Variants in PARD3B observed in about 807,000 individuals in gnomAD.
The protein encoded by PARD3B is partitioning defective 3 homolog B.
PARD3B carries 103 observed loss-of-function variants against 130.2 expected under a neutral mutation model. That is an observed-to-expected ratio of 0.79 (90% CI 0.67 to 0.93). PARD3B has a LOEUF of 0.93. Among genes scored for constraint, PARD3B ranks in the 40% least tolerant of loss-of-function variants. The probability of loss-of-function intolerance (pLI) is 0.00; values close to 1 mark genes in which losing one functional copy is unlikely to be tolerated. For synonymous variants in PARD3B, 583 were observed against 553.2 expected, an observed-to-expected ratio of 1.05 and a Z score of -0.76; for missense variants, 1,609 against 1,499.2, an observed-to-expected ratio of 1.07 and a Z score of -1.21.
At chr2:204,734,462 A>T (rs919403155) in intron 2 of PARD3B, among the ~76,000 whole-genome samples, 3 of 152,192 alleles carry the variant, frequency 2.0e-5, no homozygotes, top group African/African-American at 7.2e-5. Flanking sequence ...GAATGTTCAC[A>T]GCAACTTTGT....
chr2:205,041,999 G>A (rs1698426241), intron 3 of PARD3B, among the ~76,000 whole-genome samples: 1 of 152,110 alleles, frequency 6.6e-6, no homozygotes. Context: ...GAGAGGGAGA[G>A]GGAGAGTGTG....
chr2:205,148,522 T>C (rs1024715232), intron 10 of PARD3B, among the ~76,000 whole-genome samples: 4 of 152,204 alleles, frequency 2.6e-5, no homozygotes, highest in Admixed American at 6.5e-5. Flanking sequence ...CTTCAGAAGA[T>C]TAAATAATTT....
chr2:205,182,688 A>G (rs150863212), intron 13 of PARD3B, among the ~76,000 whole-genome samples: 147 of 152,350 alleles, frequency 9.6e-4, no homozygotes, highest in Middle Eastern at 3.4e-3. Flanking sequence ...TAAGTAATAG[A>G]TAAACCTAAA....
chr2:204,984,568 CA>C (rs2125220682), intron 3 of PARD3B, among the ~76,000 whole-genome samples: 1 of 152,066 alleles, frequency 6.6e-6, no homozygotes, highest in East Asian at 1.9e-4. Context: ...TTTGTATTCA[CA>C]AAGGAATGTT....
intron 3 of PARD3B, among the ~76,000 whole-genome samples, chr2:204,978,964 TCAAA>T (rs1692425509): frequency 2.1e-5 from 1 of 47,030 alleles, no homozygotes; most frequent in Non-Finnish European, 4.8e-5. Flanking sequence ...GACCCTGGCC[TCAAA>T]AAAAAAAAAA....
intron 1 of PARD3B, among the ~76,000 whole-genome samples, chr2:204,615,345 T>C (rs2034070734): frequency 6.6e-6 from 1 of 152,214 alleles, no homozygotes; most frequent in Non-Finnish European, 1.5e-5. Flanking sequence ...TTTGTCTGTC[T>C]TGTCCTTTGA....
intron 2 of PARD3B, among the ~76,000 whole-genome samples, chr2:204,865,267 G>A (rs905140636): frequency 2.0e-5 from 3 of 152,118 alleles, no homozygotes; most frequent in Non-Finnish European, 2.9e-5. Context: ...TCCCACTCCT[G>A]GGCATCTACC....
chr2:205,243,161 C>T (rs1053369696), intron 15 of PARD3B, among the ~76,000 whole-genome samples: 9 of 151,088 alleles, frequency 6.0e-5, no homozygotes, highest in Non-Finnish European at 1.0e-4. Flanking sequence ...AGCGAAACTC[C>T]GTCTCAAAAA....
chr2:204,763,643 G>T (rs2041005606), intron 2 of PARD3B, among the ~76,000 whole-genome samples: 1 of 152,202 alleles, frequency 6.6e-6, no homozygotes, highest in South Asian at 2.1e-4. Flanking sequence ...AGAAGTGACT[G>T]ACGCATAGCC....
intron 10 of PARD3B, among the ~76,000 whole-genome samples, chr2:205,129,488 GT>G (rs1363756695): frequency 6.6e-6 from 1 of 152,160 alleles, no homozygotes; most frequent in Non-Finnish European, 1.5e-5. Flanking sequence ...TATCACTTTG[GT>G]CTCTTCTTCC....
chr2:204,795,645 A>G (rs2042345018), intron 2 of PARD3B, among the ~76,000 whole-genome samples: 1 of 152,222 alleles, frequency 6.6e-6, no homozygotes, highest in Non-Finnish European at 1.5e-5. Flanking sequence ...AACTTTCATC[A>G]GGTTAGATCA....
At chr2:205,399,278 C>A (rs1252209223) in intron 18 of PARD3B, among the ~76,000 whole-genome samples, 3 of 151,794 alleles carry the variant, frequency 2.0e-5, no homozygotes, top group Non-Finnish European at 4.4e-5. Flanking sequence ...CTCAAAAGAA[C>A]AAAAACAAAA....
intron 3 of PARD3B, among the ~76,000 whole-genome samples, chr2:205,024,162 C>CTTTTTTTTTTTTTTT (rs1172893472): frequency 3.1e-4 from 31 of 98,738 alleles, no homozygotes; most frequent in Non-Finnish European, 3.5e-4. Context: ...TTCTTTCTTT[C>CTTTTTTTTTTTTTTT]TTTTTTTTTT....
In PARD3B at chr2:204,673,710, T is replaced by G. The variant is rs1161875188; in HGVS notation, c.121-12471T>G. Among the ~76,000 whole-genome samples, 1 of 152,226 alleles carries G rather than the reference T, an allele frequency of 6.6e-6. No individual in the cohort carries two copies. The highest frequency in any genetic ancestry group is 1.5e-5 in the Non-Finnish European group (1 of 68,040). ...GTACTCCCCATCCTCCTCATCCTAC[T>G]GTATTTTATCTCTCAAATTGCTTAT... On this transcript the variant is annotated intron_variant, in intron 1 of 22. Transcript: ENST00000406610. This position sits in a 1 kb window ranked among gnomAD's most constrained non-coding sequence, Gnocchi z 4.7.
intron 1 of PARD3B, among the ~76,000 whole-genome samples, chr2:204,600,692 A>G (rs1026793901): frequency 2.0e-5 from 3 of 151,852 alleles, no homozygotes; most frequent in Non-Finnish European, 4.4e-5. Flanking sequence ...TTCCTTTTTT[A>G]TCCTAAAGTA....
intron 2 of PARD3B, among the ~76,000 whole-genome samples, chr2:204,954,872 G>C (rs1170616537): frequency 1.3e-5 from 2 of 152,166 alleles, no homozygotes; most frequent in African/African-American, 4.8e-5. Context: ...CAACCTATCA[G>C]TTCTTTATTT....
intron 2 of PARD3B, among the ~76,000 whole-genome samples, chr2:204,923,276 TA>T (rs896727951): frequency 6.6e-6 from 1 of 152,160 alleles, no homozygotes; most frequent in Admixed American, 6.5e-5. Context: ...AAAATAAATT[TA>T]AAAAAATAAT....
intron 20 of PARD3B, among the ~76,000 whole-genome samples, chr2:205,466,992 C>T (rs1367747222): frequency 2.6e-5 from 4 of 152,218 alleles, no homozygotes; most frequent in Non-Finnish European, 5.9e-5. Flanking sequence ...GGATCACAGG[C>T]GTGAGCCACA....
intron 2 of PARD3B, among the ~76,000 whole-genome samples, chr2:204,958,419 C>T (rs1415472861): frequency 1.3e-5 from 2 of 152,124 alleles, no homozygotes; most frequent in African/African-American, 4.8e-5. Flanking sequence ...TACTGCTAGG[C>T]AGAAGAGTGA....
Sources: gnomAD v4.1 joint callset for allele counts (sites outside exome capture counted in the v4.1 genomes callset) on GRCh38, gnomAD v4.1.1 for gene constraint, Gnocchi (gnomAD v3.1) non-coding constraint, MANE v1.5 for transcripts, NCBI Gene and HGNC (gene_info 2026-07-23, HGNC 2026-07-21) for gene names.